Variants in PHACTR3 observed in about 807,000 individuals in gnomAD.
PHACTR3 encodes phosphatase and actin regulator 3, also known as protein phosphatase 1, regulatory subunit 123.
A neutral mutation model predicts 66.8 loss-of-function variants in PHACTR3; 16 were observed. That is an observed-to-expected ratio of 0.24 (90% CI 0.16 to 0.36). The LOEUF is 0.36. Among genes scored for constraint, PHACTR3 ranks in the 10% least tolerant of loss-of-function variants. The pLI is 1.00. For synonymous variants in PHACTR3, 323 were observed against 292.1 expected (o/e 1.11, Z -1.08); for missense variants, 647 against 719.9 (o/e 0.90, Z 1.16).
chr20:59,608,100 C>T (rs1056284591), intron 1 of PHACTR3, among the ~76,000 whole-genome samples: 1 of 152,198 alleles, frequency 6.6e-6, no homozygotes. Flanking sequence ...CTTGCCAACA[C>T]CTGAGATCAT....
intron 10 of PHACTR3, 109 bp from the exon 11 acceptor site, chr20:59,841,286 G>GT (rs2059056082): frequency 1.2e-5 from 14 of 1,162,976 alleles, no homozygotes; most frequent in Admixed American, 5.1e-5. Flanking sequence ...TCCAGTTTCA[G>GT]GTTTTTTTTG....
chr20:59,639,868 C>T (rs2035039477), intron 1 of PHACTR3, among the ~76,000 whole-genome samples: 1 of 152,198 alleles, frequency 6.6e-6, no homozygotes, highest in Non-Finnish European at 1.5e-5. Context: ...ATTTTTGAAA[C>T]CTGTTCTCTT....
intron 3 of PHACTR3, among the ~76,000 whole-genome samples, chr20:59,748,299 C>G (rs142681833): frequency 1.3e-5 from 2 of 152,056 alleles, no homozygotes; most frequent in African/African-American, 4.8e-5. Flanking sequence ...ATATTGTGCA[C>G]GCCCTGTCTC....
chr20:59,789,336 C>T (rs186390092), intron 7 of PHACTR3, among the ~76,000 whole-genome samples: 2 of 152,286 alleles, frequency 1.3e-5, no homozygotes, highest in African/African-American at 4.8e-5. Flanking sequence ...TCCAGTTGGC[C>T]ATAGCCTGGG....
intron 1 of PHACTR3, among the ~76,000 whole-genome samples, chr20:59,614,839 T>A (rs1231057253): frequency 1.3e-5 from 2 of 152,218 alleles, no homozygotes; most frequent in Non-Finnish European, 2.9e-5. Context: ...ATCTTTCTGC[T>A]TCCCTTTGGC....
At chr20:59,827,694 C>T (rs1464372305) in intron 8 of PHACTR3, among the ~76,000 whole-genome samples, 1 of 152,128 alleles carries the variant, frequency 6.6e-6, no homozygotes, top group Non-Finnish European at 1.5e-5. Context: ...TGGGAGGGAG[C>T]CCAGGCTCCA....
rs1180045579 is a variant in PHACTR3 at position 59,774,334 on chromosome 20, G to C, written c.1018G>C (p.Glu340Gln). 6.8e-6 allele frequency: 11 copies of C among 1,614,224 alleles called. No homozygotes were observed. The highest frequency in any genetic ancestry group is 9.3e-6 in the Non-Finnish European group (11 of 1,180,042). Residue 340 changes from glutamate to glutamine, a missense_variant, in exon 7 of 13, where the codon GAG (glutamate) becomes CAG (glutamine). By Grantham distance (29) the Glu-to-Gln change is conservative. Transcript: ENST00000371015. Reference sequence around the variant, plus strand: ...CAGCGTGGAGCGGGGCAAGGAGAGGGAGGAGGCTTGGAGCTTTGACGGGGC... The same window carrying C: ...CAGCGTGGAGCGGGGCAAGGAGAGGCAGGAGGCTTGGAGCTTTGACGGGGC... ...TSSVERGKER[E>Q]EAWSFDGALE... is the part of the protein sequence containing the mutation.
chr20:59,748,950 G>A (rs753139140), intron 3 of PHACTR3, among the ~76,000 whole-genome samples: 1 of 152,160 alleles, frequency 6.6e-6, no homozygotes, highest in Non-Finnish European at 1.5e-5. Context: ...GTGGGCCCAG[G>A]CTTTTGTCAT....
At chr20:59,767,480 A>T in intron 5 of PHACTR3, 85 bp downstream of exon 5, 2 of 1,400,248 alleles carry the variant, frequency 1.4e-6, no homozygotes, top group Non-Finnish European at 9.8e-7. Flanking sequence ...CCCATCCATC[A>T]TCTATCTATT....
At chr20:59,819,019 G>T (rs1221455156) in intron 8 of PHACTR3, among the ~76,000 whole-genome samples, 2 of 152,168 alleles carry the variant, frequency 1.3e-5, no homozygotes, top group Non-Finnish European at 2.9e-5. Flanking sequence ...GACGTCTGGG[G>T]GCTTGGCCTA....
intron 1 of PHACTR3, among the ~76,000 whole-genome samples, chr20:59,647,692 A>G (rs1185854235): frequency 2.0e-5 from 3 of 152,298 alleles, no homozygotes; most frequent in South Asian, 2.1e-4. Flanking sequence ...TTATTATCAC[A>G]TACAGCCACA....
chr20:59,778,043 TGATGTCCG>T (rs2040597400), intron 7 of PHACTR3, among the ~76,000 whole-genome samples: 1 of 152,176 alleles, frequency 6.6e-6, no homozygotes, highest in African/African-American at 2.4e-5. Flanking sequence ...GGCTTTGTGC[TGATGTCCG>T]GATGACCCTG....
At chr20:59,802,075 C>A (rs1227142450) in intron 7 of PHACTR3, among the ~76,000 whole-genome samples, 1 of 152,200 alleles carries the variant, frequency 6.6e-6, no homozygotes, top group East Asian at 1.9e-4. Flanking sequence ...CTTAACCACT[C>A]TGTGCTTCGA....
At chr20:59,666,721 GGA>G (rs2036004116) in intron 1 of PHACTR3, among the ~76,000 whole-genome samples, 1 of 152,036 alleles carries the variant, frequency 6.6e-6, no homozygotes, top group African/African-American at 2.4e-5. Flanking sequence ...ACAGAGAGAG[GGA>G]GAGAGACCTG....
intron 8 of PHACTR3, among the ~76,000 whole-genome samples, chr20:59,833,539 G>A (rs1298131798): frequency 1.3e-5 from 2 of 152,134 alleles, no homozygotes; most frequent in Non-Finnish European, 2.9e-5. Flanking sequence ...GAAAGACAAG[G>A]TTCCAACAAA....
chr20:59,665,151 G>A (rs1399771488), intron 1 of PHACTR3, among the ~76,000 whole-genome samples: 2 of 152,092 alleles, frequency 1.3e-5, no homozygotes, highest in African/African-American at 2.4e-5. Context: ...CTTCCTTAAC[G>A]GTTCCCCTTG....
At chr20:59,815,841 G>T (rs2041872488) in intron 8 of PHACTR3, among the ~76,000 whole-genome samples, 1 of 152,098 alleles carries the variant, frequency 6.6e-6, no homozygotes, top group African/African-American at 2.4e-5. Flanking sequence ...CATGTCAGGT[G>T]TGCAAACATC....
intron 1 of PHACTR3, among the ~76,000 whole-genome samples, chr20:59,627,531 C>A (rs2034500505): frequency 6.6e-6 from 1 of 152,096 alleles, no homozygotes; most frequent in South Asian, 2.1e-4. Flanking sequence ...GGGGGTTGGG[C>A]AAATCAATGC....
At position 59,711,783 on chromosome 20, in the gene PHACTR3, C is replaced by T. The variant is rs140677823; in HGVS notation, c.119-31324C>T. Among the ~76,000 whole-genome samples the T allele has an allele frequency of 4.6e-5, 7 of 152,110 alleles. No homozygotes were observed. In the South Asian group the frequency reaches 8.3e-4, roughly 18 times the overall value. On this transcript the variant is annotated intron_variant, in intron 1 of 12. Transcript: ENST00000371015. ...GTTGAAAAGTGTTATGTAGAACCAT[C>T]GTAAGTCAGGGATAGTCTGTATTTA... is the stretch of plus-strand genomic sequence containing the variant.
Sources: allele counts gnomAD v4.1 joint callset (sites outside exome capture counted in the v4.1 genomes callset), GRCh38; gene constraint gnomAD v4.1.1; transcripts MANE v1.5; gene names NCBI Gene and HGNC (gene_info 2026-07-23, HGNC 2026-07-21).